EXT2: variants seen among roughly 807,000 people sequenced by gnomAD.
The protein encoded by EXT2 is exostosin glycosyltransferase 2.
A neutral mutation model predicts 81.6 loss-of-function variants in EXT2; 53 were observed. That is an observed-to-expected ratio of 0.65 (90% CI 0.52 to 0.82). The LOEUF (loss-of-function observed/expected upper bound fraction) is 0.82, where lower values mean the gene tolerates loss of function less well. Among genes scored for constraint, EXT2 ranks in the 40% least tolerant of loss-of-function variants. EXT2 has a pLI of 0.00. For missense variants in EXT2, 774 were observed against 910.2 expected (o/e 0.85, Z 1.93); for synonymous variants, 320 against 340.0 (o/e 0.94, Z 0.65).
intron 7 of EXT2, among the ~76,000 whole-genome samples, chr11:44,163,217 C>G (rs550339934): frequency 6.6e-6 from 1 of 152,164 alleles, no homozygotes; most frequent in East Asian, 1.9e-4. Context: ...AGTTAGTTGT[C>G]AGGTAACTCT....
intron 2 of EXT2, among the ~76,000 whole-genome samples, chr11:44,108,461 T>C (rs1335598039): frequency 6.6e-6 from 1 of 152,250 alleles, no homozygotes; most frequent in Non-Finnish European, 1.5e-5. Flanking sequence ...GTCTGCCATC[T>C]CCGGCACTAC....
At chr11:44,101,827 A>G (rs1264944076) in intron 1 of EXT2, among the ~76,000 whole-genome samples, 1 of 152,154 alleles carries the variant, frequency 6.6e-6, no homozygotes, top group Non-Finnish European at 1.5e-5. Flanking sequence ...TAGTGCCCAG[A>G]ATGGGCAGCA....
intron 1 of EXT2, among the ~76,000 whole-genome samples, chr11:44,098,676 C>A (rs368139358): frequency 2.3e-5 from 3 of 128,462 alleles, no homozygotes; most frequent in Admixed American, 9.2e-5. Flanking sequence ...GCCTGGGCAA[C>A]AGAGAGAGAT....
chr11:44,169,761 A>G (rs772956314), intron 7 of EXT2, among the ~76,000 whole-genome samples: 11 of 152,258 alleles, frequency 7.2e-5, no homozygotes, highest in Non-Finnish European at 1.5e-4. Context: ...AAATGCTCCA[A>G]TGAGTATTTC....
At chr11:44,099,871 A>C (rs904094445) in intron 1 of EXT2, among the ~76,000 whole-genome samples, 1 of 151,666 alleles carries the variant, frequency 6.6e-6, no homozygotes, top group Non-Finnish European at 1.5e-5. Context: ...TTTCCCTCTC[A>C]TTTCTTCTAT....
At chr11:44,126,044 T>A (rs549239710) in intron 5 of EXT2, among the ~76,000 whole-genome samples, 5 of 152,330 alleles carry the variant, frequency 3.3e-5, no homozygotes, top group Admixed American at 6.5e-5. Context: ...TTGGTTTTTT[T>A]AAAAAATCTT....
At chr11:44,222,232 G>A (rs1391872274) in intron 10 of EXT2, among the ~76,000 whole-genome samples, 3 of 152,178 alleles carry the variant, frequency 2.0e-5, no homozygotes, top group Non-Finnish European at 4.4e-5. Context: ...TTGACACTCT[G>A]TGCTTGGAGA....
Position 44,141,671 on chromosome 11 carries a change from A to G in EXT2, c.1173+11533A>G, listed in dbSNP as rs142217738. On this transcript the variant is annotated intron_variant, in intron 7 of 13. Transcript: ENST00000533608. ...TGAAGGTGGCGGGTAAAATGGTCAC[A>G]CTTTCCTCCTTGGGCATTTGTTGGA... Among the ~76,000 whole-genome samples, 42 of 152,340 alleles carry G rather than the reference A, an allele frequency of 2.8e-4. No individual in the cohort carries two copies. In the East Asian group the frequency reaches 7.3e-3, roughly 27 times the overall value.
chr11:44,231,005 A>G (rs1475562547), intron 10 of EXT2, among the ~76,000 whole-genome samples: 6 of 152,214 alleles, frequency 3.9e-5, no homozygotes, highest in South Asian at 4.1e-4. Context: ...GAAAATAACT[A>G]TATTAAAATA....
At chr11:44,112,375 A>G (rs776490161) in intron 3 of EXT2, among the ~76,000 whole-genome samples, 1 of 152,178 alleles carries the variant, frequency 6.6e-6, no homozygotes, top group Non-Finnish European at 1.5e-5. Flanking sequence ...TCATATTAAT[A>G]CTTCTTTAGC....
intron 12 of EXT2, 113 bp from the exon 13 acceptor site, chr11:44,236,180 C>A: frequency 1.1e-6 from 1 of 884,824 alleles, no homozygotes; most frequent in South Asian, 1.4e-5. Context: ...TGTGTGTGCA[C>A]GCGCATGCAA....
chr11:44,133,539 G>T (rs1036660943), intron 7 of EXT2, among the ~76,000 whole-genome samples: 4 of 152,130 alleles, frequency 2.6e-5, no homozygotes, highest in African/African-American at 9.7e-5. Context: ...AGCCAGCAGA[G>T]GTCTCCATCC....
chr11:44,122,952 C>A (rs1254014932), intron 4 of EXT2, among the ~76,000 whole-genome samples: 8 of 152,144 alleles, frequency 5.3e-5, no homozygotes, highest in African/African-American at 1.9e-4. Context: ...TAGTGAAGTT[C>A]TAGGGAGTCT....
chr11:44,191,655 A>T (rs1026306249), intron 8 of EXT2, among the ~76,000 whole-genome samples: 3 of 152,350 alleles, frequency 2.0e-5, no homozygotes, highest in African/African-American at 7.2e-5. Flanking sequence ...CTCCTTGGTC[A>T]GCCAGCAGGG....
chr11:44,162,011 G>GT (rs1954934442), intron 7 of EXT2, among the ~76,000 whole-genome samples: 2 of 152,198 alleles, frequency 1.3e-5, no homozygotes, highest in African/African-American at 4.8e-5. Flanking sequence ...GACATGACAA[G>GT]TAAATGCACT....
chr11:44,199,224 A>G (rs1955494325), intron 9 of EXT2, among the ~76,000 whole-genome samples: 1 of 152,218 alleles, frequency 6.6e-6, no homozygotes, highest in Admixed American at 6.5e-5. Context: ...GGAGGGGTAA[A>G]AGAAAAAGGA....
Position 44,220,301 on chromosome 11 carries a change from A to T in EXT2, c.1663-12052A>T, listed in dbSNP as rs936004596. On this transcript the variant is annotated intron_variant, in intron 10 of 13. Coordinates refer to ENST00000533608, the MANE Select transcript of EXT2 (RefSeq NM_207122.2). This position sits in a 1 kb window ranked among gnomAD's most constrained non-coding sequence, Gnocchi z 4.4. ...GTTGTGTACCCTGTTCTTTAAGTTG[A>T]TGGGTGTGAGCTGTCTTTGAGCCTT... Among the ~76,000 whole-genome samples, 9 of 152,156 alleles carry T rather than the reference A, an allele frequency of 5.9e-5. No individual in the cohort carries two copies. Among genetic ancestry groups the T allele is most frequent in the Non-Finnish European group, 1.0e-4 (7 of 68,030 alleles).
intron 10 of EXT2, among the ~76,000 whole-genome samples, chr11:44,223,641 A>C (rs1908474): frequency 0.51 from 76,729 of 150,440 alleles, 20,010 homozygotes; most frequent in Middle Eastern, 0.57. Flanking sequence ...GGAGGGAGAC[A>C]GTTGTGTGTC....
intron 5 of EXT2, among the ~76,000 whole-genome samples, chr11:44,126,329 T>TG (rs1282891726): frequency 2.2e-4 from 33 of 152,346 alleles, no homozygotes; most frequent in African/African-American, 7.7e-4. Flanking sequence ...TTAGATGCTA[T>TG]GGGGGGTAGA....
Sources: allele counts gnomAD v4.1 joint callset (sites outside exome capture counted in the v4.1 genomes callset), GRCh38; gene constraint gnomAD v4.1.1; non-coding constraint Gnocchi (gnomAD v3.1); transcripts MANE v1.5; gene names NCBI Gene and HGNC (gene_info 2026-07-23, HGNC 2026-07-21).